The following EPN1 variants were observed in gnomAD, a reference collection of about 807,000 sequenced individuals.
The protein encoded by EPN1 is epsin 1.
A neutral mutation model predicts 56.9 loss-of-function variants in EPN1; 25 were observed. That is an observed-to-expected ratio of 0.44 (90% CI 0.32 to 0.61). The LOEUF (loss-of-function observed/expected upper bound fraction) is 0.61, where lower values mean the gene tolerates loss of function less well. Ranked by LOEUF, EPN1 falls within the 20% of genes least tolerant of loss-of-function variation. The pLI is 0.05. For missense variants in EPN1, 785 were observed against 823.7 expected (o/e 0.95, Z 0.58); for synonymous variants, 411 against 361.8 (o/e 1.14, Z -1.54).
intron 2 of EPN1, among the ~76,000 whole-genome samples, chr19:55,680,206 C>T (rs1390798080): frequency 6.6e-6 from 1 of 152,174 alleles, no homozygotes. Context: ...CAGTGAAACC[C>T]AGCCTTTCGA....
Position 55,695,063 on chromosome 19 carries a change from C to T in EPN1, c.1522+80C>T, listed in dbSNP as rs1006616952. 1.3e-4 allele frequency: 200 copies of T among 1,596,866 alleles called. No individual in the cohort carries two copies. Among genetic ancestry groups the T allele is most frequent in the Non-Finnish European group, 1.6e-4 (183 of 1,171,234 alleles). ...GGTGCCTCACGGGGCAGGGACACTT[C>T]GCCCTTTGCCTGCACATGCTGGATG... On this transcript the variant is annotated intron_variant, in intron 10 of 10. Transcript: ENST00000270460. This position sits in a 1 kb window ranked among gnomAD's most constrained non-coding sequence, Gnocchi z 4.4.
chr19:55,682,968 G>A (rs1002208891), intron 2 of EPN1, among the ~76,000 whole-genome samples: 1 of 152,042 alleles, frequency 6.6e-6, no homozygotes, highest in Non-Finnish European at 1.5e-5. Flanking sequence ...TATTGGCCAG[G>A]CTGGTCTCGA....
chr19:55,679,781 C>T (rs963011728), intron 2 of EPN1, among the ~76,000 whole-genome samples: 16 of 152,132 alleles, frequency 1.1e-4, no homozygotes, highest in Non-Finnish European at 1.6e-4. Flanking sequence ...ATACCCATCC[C>T]GACACACCAG....
At position 55,703,962 on chromosome 19, in the gene EPN1, C is replaced by T. The variant is rs1012369741; in HGVS notation, c.*8606C>T. ...GGAAGACGCTGGGATCCCGTGCGCG[C>T]TTGTGCTCCTTCCTTCTGGGCCAGC... On this transcript the variant is annotated 3_prime_UTR_variant, in exon 11 of 11. Transcript: ENST00000270460. 2 of 152,062 alleles carry T rather than the reference C, an allele frequency of 1.3e-5. No individual in the cohort carries two copies. The highest frequency in any genetic ancestry group is 2.9e-5 in the Non-Finnish European group (2 of 67,932). 9.4% of individuals were successfully genotyped at this position (152,062 alleles called of 1,614,324 possible). A position where few individuals can be genotyped will look rare whatever the true frequency, so the allele number is the denominator to read the frequency against.
chr19:55,703,972 T>G lies in EPN1; in HGVS notation c.*8616T>G, dbSNP rs967822101. The G allele has an allele frequency of 6.8e-6, 1 of 147,268 alleles. No individual in the cohort carries two copies. Among genetic ancestry groups the G allele is most frequent in the African/African-American group, 2.4e-5 (1 of 41,148 alleles). The allele number at this position is 147,268 out of a possible 1,614,324, so 9.1% of individuals were successfully genotyped here. A position where few individuals can be genotyped will look rare whatever the true frequency, so the allele number is the denominator to read the frequency against. ...GGGATCCCGTGCGCGCTTGTGCTCC[T>G]TCCTTCTGGGCCAGCGCGCAGACTA... is the stretch of plus-strand genomic sequence containing the variant. On this transcript the variant is annotated 3_prime_UTR_variant, in exon 11 of 11. Coordinates refer to ENST00000270460, the MANE Select transcript of EPN1 (RefSeq NM_001130072.2).
chr19:55,690,725 C>T (rs1297794024), intron 6 of EPN1, among the ~76,000 whole-genome samples: 3 of 152,236 alleles, frequency 2.0e-5, no homozygotes, highest in Non-Finnish European at 4.4e-5. Flanking sequence ...TTGGTCTCAG[C>T]AGGTCCTGAG....
Position 55,707,797 on chromosome 19 carries a change from C to T in EPN1, c.*12441C>T, listed in dbSNP as rs1446207006. On this transcript the variant is annotated 3_prime_UTR_variant, in exon 11 of 11. Coordinates refer to ENST00000270460, the MANE Select transcript of EPN1 (RefSeq NM_001130072.2). ...CTTCTTTCCACTGGAATCCCCCACA[C>T]AATGGTGTCTTTTGTCCTATGGAAA... The T allele has an allele frequency of 4.5e-5, 7 of 154,470 alleles. No individual in the cohort carries two copies. The Admixed American group carries it at 4.6e-4, about 10-fold the overall frequency. 9.6% of individuals were successfully genotyped at this position (154,470 alleles called of 1,614,324 possible).
In EPN1 at chr19:55,702,657, T is replaced by C. The variant is rs1987197737; in HGVS notation, c.*7301T>C. On this transcript the variant is annotated 3_prime_UTR_variant, in exon 11 of 11. Coordinates refer to ENST00000270460, the MANE Select transcript of EPN1 (RefSeq NM_001130072.2). ...TTCTAAGCTGCTTTTTGTTAGGAAG[T>C]TTTTTGCTGGGGACTCTCTTCGCCC... 6.6e-6 allele frequency: 1 copy of C among 152,186 alleles called. No homozygotes were observed. The highest frequency in any genetic ancestry group is 6.5e-5 in the Admixed American group (1 of 15,272). 9.4% of individuals were successfully genotyped at this position (152,186 alleles called of 1,614,324 possible).
intron 2 of EPN1, among the ~76,000 whole-genome samples, chr19:55,683,731 C>T (rs779676146): frequency 1.3e-5 from 2 of 152,204 alleles, no homozygotes; most frequent in East Asian, 1.9e-4. Context: ...TTTCACTGTG[C>T]GTGGGTATTC....
Position 55,700,616 on chromosome 19 carries a change from TATC to T in EPN1, c.*5263_*5265del, listed in dbSNP as rs1215362712. 3.3e-5 allele frequency: 5 copies of T among 152,198 alleles called. No homozygotes were observed. Among genetic ancestry groups the T allele is most frequent in the Non-Finnish European group, 7.3e-5 (5 of 68,034 alleles). The allele number at this position is 152,198 out of a possible 1,614,324, so 9.4% of individuals were successfully genotyped here. On this transcript the variant is annotated 3_prime_UTR_variant, in exon 11 of 11. Coordinates refer to ENST00000270460, the MANE Select transcript of EPN1 (RefSeq NM_001130072.2). The stretch of plus-strand genomic sequence containing the variant: ...AAGCACACAAAACTATAGACAATAT[TATC>T]ATAACCACCCCTGCAAATGCCTCAC...
rs1258549522 is a variant in EPN1, at chr19:55,705,246, G to A, written c.*9890G>A. On this transcript the variant is annotated 3_prime_UTR_variant, in exon 11 of 11. Coordinates refer to ENST00000270460, the MANE Select transcript of EPN1 (RefSeq NM_001130072.2). Reference sequence around the variant, plus strand: ...ATAGCTGCTGACTGCAGGGAGATGGGGAGATATGTTTTGTAAACCTGTCCA... The same window carrying A: ...ATAGCTGCTGACTGCAGGGAGATGGAGAGATATGTTTTGTAAACCTGTCCA... 1 of 152,178 alleles carries A rather than the reference G, an allele frequency of 6.6e-6. No individual in the cohort carries two copies. The highest frequency in any genetic ancestry group is 1.5e-5 in the Non-Finnish European group (1 of 68,050). The allele number at this position is 152,178 out of a possible 1,614,324, so 9.4% of individuals were successfully genotyped here.
Position 55,706,425 on chromosome 19 carries a change from G to C in EPN1, c.*11069G>C, listed in dbSNP as rs1333766347. The C allele has an allele frequency of 6.6e-6, 1 of 152,384 alleles. No individual in the cohort carries two copies. Among genetic ancestry groups the C allele is most frequent in the Non-Finnish European group, 1.5e-5 (1 of 68,366 alleles). The allele number at this position is 152,384 out of a possible 1,614,324, so 9.4% of individuals were successfully genotyped here. A position where few individuals can be genotyped will look rare whatever the true frequency, so the allele number is the denominator to read the frequency against. On this transcript the variant is annotated 3_prime_UTR_variant, in exon 11 of 11. Coordinates refer to ENST00000270460, the MANE Select transcript of EPN1 (RefSeq NM_001130072.2). ...CTAGCACTTTGGGAGGCTGAGGCGGGTGGATCACCTGAGGTTGGGAGTTCG... is the reference window on the plus strand; with the variant it reads ...CTAGCACTTTGGGAGGCTGAGGCGGCTGGATCACCTGAGGTTGGGAGTTCG...
rs1462713228 is a variant in EPN1, at chr19:55,702,494, G to C, written c.*7138G>C. On this transcript the variant is annotated 3_prime_UTR_variant, in exon 11 of 11. Coordinates refer to ENST00000270460, the MANE Select transcript of EPN1 (RefSeq NM_001130072.2). The stretch of plus-strand genomic sequence containing the variant: ...TCACTGGGGCCCATCTATGTATGTG[G>C]CTTGGTGATTACCCAGGAACCTCCC... 3 of 152,290 alleles carry C rather than the reference G, an allele frequency of 2.0e-5. 1 individual carries two copies. The highest frequency in any genetic ancestry group is 2.0e-4 in the Admixed American group (3 of 15,302). 9.4% of individuals were successfully genotyped at this position (152,290 alleles called of 1,614,324 possible).
intron 1 of EPN1, among the ~76,000 whole-genome samples, chr19:55,676,260 CAGTA>C (rs1430031125): frequency 2.0e-5 from 3 of 152,168 alleles, no homozygotes; most frequent in Non-Finnish European, 4.4e-5. Context: ...GATTTTTACA[CAGTA>C]AGTGTTAGAT....
rs111689897 is a variant in EPN1 at position 55,699,926 on chromosome 19, A to AT, written c.*4582dup. On this transcript the variant is annotated 3_prime_UTR_variant, in exon 11 of 11. Coordinates refer to ENST00000270460, the MANE Select transcript of EPN1 (RefSeq NM_001130072.2). The stretch of plus-strand genomic sequence containing the variant: ...GATATTTATAATTTCCTAAAGCACT[A>AT]TTTTTTTTTTTTGAGACAGAGTCTT... The AT allele has an allele frequency of 2.6e-3, 385 of 146,666 alleles. 1 individual carries two copies. The highest frequency in any genetic ancestry group is 0.018 in the Middle Eastern group (5 of 274). The allele number at this position is 146,666 out of a possible 1,614,324, so 9.1% of individuals were successfully genotyped here.
In EPN1 at chr19:55,706,211, TTC is replaced by T. The variant is rs951520831; in HGVS notation, c.*10857_*10858del. 2.1e-5 allele frequency: 3 copies of T among 142,882 alleles called. No homozygotes were observed. The highest frequency in any genetic ancestry group is 9.5e-5 in the African/African-American group (3 of 31,676). The allele number at this position is 142,882 out of a possible 1,614,324, so 8.9% of individuals were successfully genotyped here. On this transcript the variant is annotated 3_prime_UTR_variant, in exon 11 of 11. Transcript: ENST00000270460. ...TTTCTCCTCCTTTCTTCCTTTATTTTTCTTTCTTCCTTTCCTCCTCTTTCTTC... is the reference window on the plus strand; with the variant it reads ...TTTCTCCTCCTTTCTTCCTTTATTTTTTTCTTCCTTTCCTCCTCTTTCTTC...
At position 55,695,695 on chromosome 19, in the gene EPN1, C is replaced by T. The variant is rs747178567; in HGVS notation, c.*339C>T. ...CTCGTTCCCCTCACGCACCCGCTCACGCACCCTCGGTGAATCCTTGGTGAT... is the reference window on the plus strand; with the variant it reads ...CTCGTTCCCCTCACGCACCCGCTCATGCACCCTCGGTGAATCCTTGGTGAT... On this transcript the variant is annotated 3_prime_UTR_variant, in exon 11 of 11. Transcript: ENST00000270460. The surrounding 1 kb of genome is among the most constrained non-coding windows in gnomAD (Gnocchi z 4.4). 15 of 315,094 alleles carry T rather than the reference C, an allele frequency of 4.8e-5. No homozygotes were observed. Among genetic ancestry groups the T allele is most frequent in the African/African-American group, 8.6e-5 (4 of 46,676 alleles). 19.5% of individuals were successfully genotyped at this position (315,094 alleles called of 1,614,324 possible). A position where few individuals can be genotyped will look rare whatever the true frequency, so the allele number is the denominator to read the frequency against.
At chr19:55,676,523 T>C (rs1453897989) in intron 1 of EPN1, 1 of 152,282 alleles carries the variant, frequency 6.6e-6, no homozygotes, top group Non-Finnish European at 1.5e-5. Context: ...TTTTCTCTGA[T>C]AATAATAGCA....
chr19:55,683,620 C>T (rs28385383), intron 2 of EPN1, among the ~76,000 whole-genome samples: 24,339 of 152,136 alleles, frequency 0.16, 2,826 homozygotes, highest in African/African-American at 0.31. Context: ...CCCATAGTGC[C>T]GGGATTATAG....
Sources: allele counts gnomAD v4.1 joint callset (sites outside exome capture counted in the v4.1 genomes callset), GRCh38; gene constraint gnomAD v4.1.1; non-coding constraint Gnocchi (gnomAD v3.1); transcripts MANE v1.5; gene names NCBI Gene and HGNC (gene_info 2026-07-23, HGNC 2026-07-21).